GRID2: variants seen among roughly 807,000 people sequenced by gnomAD.
GRID2 encodes glutamate ionotropic receptor delta type subunit 2, also known as glutamate receptor ionotropic, delta-2.
GRID2 carries 33 observed loss-of-function variants against 114.8 expected under a neutral mutation model. The observed-to-expected ratio is 0.29, with a 90% CI of 0.22 to 0.38. GRID2 has a LOEUF of 0.38. GRID2 is among the 10% of genes least tolerant of loss of function. The pLI is 1.00. For missense variants in GRID2, 1,184 were observed against 1,257.7 expected, an observed-to-expected ratio of 0.94 and a Z score of 0.89; for synonymous variants, 505 against 449.9, an observed-to-expected ratio of 1.12 and a Z score of -1.55.
chr4:93,166,137 A>G (rs1431131282), intron 4 of GRID2: 1 of 152,192 alleles, frequency 6.6e-6, no homozygotes, highest in Non-Finnish European at 1.5e-5. Context: ...AGAGAATTGG[A>G]GCTAGCATTT....
chr4:92,486,578 C>CAA (rs1314204283), intron 1 of GRID2, among the ~76,000 whole-genome samples: 1 of 151,114 alleles, frequency 6.6e-6, no homozygotes, highest in African/African-American at 2.4e-5. Flanking sequence ...CACACACACA[C>CAA]ACACACACAC....
chr4:93,012,644 C>T (rs1691517604), intron 2 of GRID2, among the ~76,000 whole-genome samples: 1 of 149,468 alleles, frequency 6.7e-6, no homozygotes, highest in Non-Finnish European at 1.5e-5. Context: ...AGAGACTGTA[C>T]TAATAAAAAG....
intron 2 of GRID2, among the ~76,000 whole-genome samples, chr4:92,608,239 T>A (rs1225373952): frequency 6.6e-6 from 1 of 151,774 alleles, no homozygotes; most frequent in Non-Finnish European, 1.5e-5. Flanking sequence ...AAACTAGTGG[T>A]GCAATAGTGA....
intron 2 of GRID2, among the ~76,000 whole-genome samples, chr4:92,942,777 T>C (rs1374279886): frequency 1.3e-5 from 2 of 152,140 alleles, no homozygotes; most frequent in African/African-American, 4.8e-5. Context: ...GTTGACAAAA[T>C]CTCTCAGCAT....
intron 8 of GRID2, among the ~76,000 whole-genome samples, chr4:93,279,770 C>T (rs2149583736): frequency 6.6e-6 from 1 of 152,000 alleles, no homozygotes; most frequent in South Asian, 2.1e-4. Flanking sequence ...CTGAATATAT[C>T]TCATTGGACA....
chr4:92,949,516 G>T (rs1226066474), intron 2 of GRID2, among the ~76,000 whole-genome samples: 1 of 151,786 alleles, frequency 6.6e-6, no homozygotes, highest in Non-Finnish European at 1.5e-5. Context: ...CTGTCTTCTA[G>T]CGGTAGAATT....
chr4:92,453,701 T>C (rs183876195), intron 1 of GRID2, among the ~76,000 whole-genome samples: 2 of 152,292 alleles, frequency 1.3e-5, no homozygotes, highest in Middle Eastern at 3.4e-3. Context: ...TTACCTAGTG[T>C]TTGTGAAAGG....
At chr4:93,380,641 A>C (rs1332240769) in intron 8 of GRID2, among the ~76,000 whole-genome samples, 3 of 151,986 alleles carry the variant, frequency 2.0e-5, no homozygotes. Flanking sequence ...AGTCTTGAGA[A>C]AACAAGAGAA....
chr4:92,353,496 T>G (rs1274453682), intron 1 of GRID2, among the ~76,000 whole-genome samples: 2 of 152,058 alleles, frequency 1.3e-5, no homozygotes, highest in African/African-American at 2.4e-5. Flanking sequence ...GTTGTTATTT[T>G]TGTTTTTGGA....
At chr4:92,442,410 T>G (rs1189486223) in intron 1 of GRID2, among the ~76,000 whole-genome samples, 2 of 152,042 alleles carry the variant, frequency 1.3e-5, no homozygotes, top group African/African-American at 4.8e-5. Flanking sequence ...GGTGGCCAGA[T>G]TTCCGGCAAG....
intron 10 of GRID2, among the ~76,000 whole-genome samples, chr4:93,438,686 TTTA>T (rs912121504): frequency 3.3e-5 from 5 of 152,172 alleles, no homozygotes; most frequent in East Asian, 1.9e-4. Flanking sequence ...TTTATTTTAT[TTTA>T]TTATTATTAT....
intron 7 of GRID2, among the ~76,000 whole-genome samples, chr4:93,235,139 A>G (rs1746626566): frequency 6.6e-6 from 1 of 152,072 alleles, no homozygotes; most frequent in African/African-American, 2.4e-5. Flanking sequence ...AATTATTCTC[A>G]ACCTCTGATT....
chr4:92,350,900 T>C (rs1411506076), intron 1 of GRID2, among the ~76,000 whole-genome samples: 2 of 151,866 alleles, frequency 1.3e-5, no homozygotes, highest in African/African-American at 4.8e-5. Context: ...CTGTTCTGGA[T>C]GTTTCATATA....
At chr4:93,458,977 C>T (rs532808423) in intron 11 of GRID2, among the ~76,000 whole-genome samples, 20 of 151,602 alleles carry the variant, frequency 1.3e-4, no homozygotes, top group Non-Finnish European at 2.1e-4. Flanking sequence ...GTCAGGAGTT[C>T]GAGACCAGCC....
intron 8 of GRID2, among the ~76,000 whole-genome samples, chr4:93,252,643 T>C (rs1749097190): frequency 6.6e-6 from 1 of 152,180 alleles, no homozygotes; most frequent in Admixed American, 6.6e-5. Context: ...ATTCAATCTG[T>C]AAATTACTTT....
At chr4:93,732,492 T>C (rs1318203333) in intron 14 of GRID2, among the ~76,000 whole-genome samples, 13 of 152,244 alleles carry the variant, frequency 8.5e-5, no homozygotes, top group Admixed American at 8.5e-4. Context: ...TAGACTATCA[T>C]TTTCTGCCTC....
At chr4:93,621,769 G>T (rs1408680750) in intron 13 of GRID2, among the ~76,000 whole-genome samples, 1 of 152,114 alleles carries the variant, frequency 6.6e-6, no homozygotes, top group Non-Finnish European at 1.5e-5. Flanking sequence ...AAATAGTTTG[G>T]GTTACTATGC....
At chr4:93,797,897 A>AATCCC (rs1389904031) in intron 1 of GRID2, among the ~76,000 whole-genome samples, 2 of 151,170 alleles carry the variant, frequency 1.3e-5, no homozygotes, top group Non-Finnish European at 2.9e-5. Context: ...TCACACCTGT[A>AATCCC]ATCCCAGTAC....
rs369783071 is a variant in GRID2, at chr4:92,413,768, T to C, written c.88+109024T>C. Among the ~76,000 whole-genome samples, 4 of 152,150 alleles carry C rather than the reference T, an allele frequency of 2.6e-5. No individual in the cohort carries two copies. In the East Asian group the frequency reaches 7.7e-4, roughly 29 times the overall value. On this transcript the variant is annotated intron_variant, in intron 1 of 15. Transcript: ENST00000282020. Reference sequence around the variant, plus strand: ...AAATATATGCATCTGGGAGACATTCTTGATGTTAGTGATAGTAATTTCACT... The same window carrying C: ...AAATATATGCATCTGGGAGACATTCCTGATGTTAGTGATAGTAATTTCACT...
Sources: allele counts gnomAD v4.1 joint callset (sites outside exome capture counted in the v4.1 genomes callset), GRCh38; gene constraint gnomAD v4.1.1; transcripts MANE v1.5; gene names NCBI Gene and HGNC (gene_info 2026-07-23, HGNC 2026-07-21).